Variants in PXDNL observed in about 807,000 individuals in gnomAD.
PXDNL encodes the protein peroxidasin like.
Under a neutral mutation model 150.8 loss-of-function variants are expected in PXDNL, and 145 were observed. The ratio of observed to expected loss-of-function variants is 0.96; its 90% confidence interval spans 0.84 to 1.10. PXDNL has a LOEUF of 1.10. PXDNL is among the 50% of genes least tolerant of loss of function. The pLI, the probability that PXDNL is intolerant of heterozygous loss-of-function variation, is 0.00. For missense variants in PXDNL, 2,087 were observed against 1,873.9 expected (o/e 1.11, Z -2.10); for synonymous variants, 757 against 725.7 (o/e 1.04, Z -0.69).
chr8:51,763,817 T>TA (rs1480816877), intron 1 of PXDNL, among the ~76,000 whole-genome samples: 4 of 152,252 alleles, frequency 2.6e-5, no homozygotes, highest in African/African-American at 9.6e-5. Context: ...CATGAATTAA[T>TA]ACGTACTACT....
rs1809855652 is a variant in PXDNL, at chr8:51,453,525, C to CAATT, written c.1239_1242dup (p.Val415AsnfsTer28). 6.2e-7 allele frequency: 1 copy of CAATT among 1,613,828 alleles called. No homozygotes were observed. Among genetic ancestry groups the CAATT allele is most frequent in the East Asian group, 2.2e-5 (1 of 44,886 alleles). On this transcript the variant is annotated frameshift_variant, in exon 10 of 23. Coordinates refer to ENST00000356297, the MANE Select transcript of PXDNL (RefSeq NM_144651.5). LOFTEE classifies it high-confidence loss of function. Reference sequence around the variant, plus strand: ...TGACCTTCTGCTCCCATACCTTGTACAATTATGTTTGCTGCAGCTTGAACA... The same window carrying CAATT: ...TGACCTTCTGCTCCCATACCTTGTACAATTAATTATGTTTGCTGCAGCTTGAACA...
At chr8:51,680,926 A>G (rs1248675007) in intron 1 of PXDNL, among the ~76,000 whole-genome samples, 1 of 152,172 alleles carries the variant, frequency 6.6e-6, no homozygotes, top group Non-Finnish European at 1.5e-5. Context: ...ACATTTCTAG[A>G]ACTAACTGAA....
chr8:51,473,792 G>T (rs919734880), intron 7 of PXDNL, among the ~76,000 whole-genome samples: 3 of 150,262 alleles, frequency 2.0e-5, no homozygotes, highest in Non-Finnish European at 4.4e-5. Flanking sequence ...GCAGAGTGTA[G>T]CCAGCAAGGA....
chr8:51,455,325 T>C (rs1299475421), intron 9 of PXDNL, among the ~76,000 whole-genome samples: 1 of 151,896 alleles, frequency 6.6e-6, no homozygotes, highest in East Asian at 1.9e-4. Flanking sequence ...ATGATACCAA[T>C]AGAGATAGCA....
chr8:51,443,197 G>T (rs964511033), intron 12 of PXDNL, among the ~76,000 whole-genome samples: 7 of 151,952 alleles, frequency 4.6e-5, no homozygotes, highest in African/African-American at 1.7e-4. Flanking sequence ...TTTATTCATT[G>T]CTTACAAATA....
chr8:51,758,172 T>C (rs1357446530), intron 1 of PXDNL, among the ~76,000 whole-genome samples: 4 of 152,200 alleles, frequency 2.6e-5, no homozygotes, highest in Non-Finnish European at 5.9e-5. Context: ...GTAAAGCTAT[T>C]TGTAATTAAA....
intron 1 of PXDNL, among the ~76,000 whole-genome samples, chr8:51,708,570 T>C (rs1563513981): frequency 6.6e-6 from 1 of 152,122 alleles, no homozygotes; most frequent in African/African-American, 2.4e-5. Flanking sequence ...GAGTACAGGC[T>C]GAAATTCAAA....
intron 3 of PXDNL, among the ~76,000 whole-genome samples, chr8:51,569,980 G>C (rs1812899950): frequency 1.3e-5 from 2 of 151,822 alleles, no homozygotes; most frequent in Non-Finnish European, 2.9e-5. Flanking sequence ...TTGTTGCCCG[G>C]GATCACTGCG....
At chr8:51,403,269 C>G (rs571590604) in intron 17 of PXDNL, among the ~76,000 whole-genome samples, 10 of 152,154 alleles carry the variant, frequency 6.6e-5, no homozygotes, top group African/African-American at 2.4e-4. Context: ...ATTTCCTGAG[C>G]TCTTGGTACT....
intron 2 of PXDNL, among the ~76,000 whole-genome samples, chr8:51,594,344 C>A: frequency 6.6e-6 from 1 of 151,996 alleles, no homozygotes; most frequent in East Asian, 1.9e-4. Flanking sequence ...AACGGTGGTG[C>A]CTAGGAGAGA....
At chr8:51,749,304 T>C (rs150468606) in intron 1 of PXDNL, among the ~76,000 whole-genome samples, 4 of 152,326 alleles carry the variant, frequency 2.6e-5, no homozygotes, top group East Asian at 1.9e-4. Context: ...CTGAGAAATA[T>C]GTCCTTAGAA....
chr8:51,543,642 G>A (rs1011875182), intron 4 of PXDNL, among the ~76,000 whole-genome samples: 1 of 150,178 alleles, frequency 6.7e-6, no homozygotes, highest in Non-Finnish European at 1.5e-5. Flanking sequence ...AATCTGGGAG[G>A]TGGAGGTCAC....
At chr8:51,493,155 G>A (rs1210946552) in intron 5 of PXDNL, among the ~76,000 whole-genome samples, 4 of 152,198 alleles carry the variant, frequency 2.6e-5, no homozygotes, top group African/African-American at 9.7e-5. Context: ...CTGCGCTGCT[G>A]ATACCCAGGC....
chr8:51,406,523 TA>T (rs974749805), intron 17 of PXDNL, among the ~76,000 whole-genome samples: 11 of 152,172 alleles, frequency 7.2e-5, no homozygotes, highest in Non-Finnish European at 1.2e-4. Context: ...ACAGCCTCTT[TA>T]AAACCCGTCC....
intron 2 of PXDNL, among the ~76,000 whole-genome samples, chr8:51,604,474 G>T (rs1365373163): frequency 3.3e-5 from 5 of 152,130 alleles, no homozygotes; most frequent in African/African-American, 4.8e-5. Context: ...ACAGGAAGGG[G>T]AACATCACAC....
At chr8:51,765,270 A>G (rs556550191) in intron 1 of PXDNL, among the ~76,000 whole-genome samples, 4 of 152,298 alleles carry the variant, frequency 2.6e-5, no homozygotes, top group South Asian at 4.1e-4. Context: ...GTGGTAGTTA[A>G]TAAGTCTCAT....
chr8:51,702,466 G>T (rs543038854), intron 1 of PXDNL, among the ~76,000 whole-genome samples: 66 of 152,186 alleles, frequency 4.3e-4, no homozygotes, highest in Non-Finnish European at 9.6e-4. Context: ...ATAGCCATGC[G>T]AACAAACCTT....
intron 19 of PXDNL, among the ~76,000 whole-genome samples, chr8:51,355,305 A>T (rs866772645): frequency 3.9e-5 from 6 of 152,332 alleles, no homozygotes; most frequent in Middle Eastern, 3.4e-3. Context: ...TATTTGAAAG[A>T]AAGTCATGAG....
chr8:51,796,259 T>C (rs1190541954), intron 1 of PXDNL, among the ~76,000 whole-genome samples: 1 of 133,724 alleles, frequency 7.5e-6, no homozygotes, highest in Non-Finnish European at 1.6e-5. Flanking sequence ...AAACAAAAAA[T>C]AACCAAGATC....
Sources: gnomAD v4.1 joint callset for allele counts (sites outside exome capture counted in the v4.1 genomes callset) on GRCh38, gnomAD v4.1.1 for gene constraint, MANE v1.5 for transcripts, NCBI Gene and HGNC (gene_info 2026-07-23, HGNC 2026-07-21) for gene names.